ACAD9: variants seen among roughly 807,000 people sequenced by gnomAD.
ACAD9 encodes the protein complex I assembly factor ACAD9, mitochondrial.
In ACAD9, 53 loss-of-function variants were observed where a neutral mutation model predicts 70.2. The observed-to-expected ratio is 0.75, with a 90% CI of 0.61 to 0.95. ACAD9 has a LOEUF of 0.95. Ranked by LOEUF, ACAD9 falls within the 40% of genes least tolerant of loss-of-function variation. The pLI is 0.00. For synonymous variants in ACAD9, 313 were observed against 312.1 expected (o/e 1.00, Z -0.03); for missense variants, 777 against 802.8 (o/e 0.97, Z 0.39).
At chr3:128,894,872 ATTT>A (rs138817276) in intron 3 of ACAD9, among the ~76,000 whole-genome samples, 4,984 of 105,264 alleles carry the variant, frequency 0.047, 192 homozygotes, top group African/African-American at 0.13. Context: ...CTGTATTGTG[ATTT>A]TTTTTTTTTT....
rs1231005676 is a variant in ACAD9 at position 128,879,666 on chromosome 3, G to A, written c.-26G>A. 8 of 1,611,472 alleles carry A rather than the reference G, an allele frequency of 5.0e-6. No homozygotes were observed. Among genetic ancestry groups the A allele is most frequent in the African/African-American group, 2.7e-5 (2 of 74,862 alleles). ...GCGGCGCTAAGAAGGGGAGACTGAG[G>A]CTGAGGCTGGGGAACATCGGGCAGC... is the stretch of plus-strand genomic sequence containing the variant. On this transcript the variant is annotated 5_prime_UTR_variant, in exon 1 of 18. Coordinates refer to ENST00000308982, the MANE Select transcript of ACAD9 (RefSeq NM_014049.5).
At chr3:128,910,890 C>G (rs1936221884) in intron 17 of ACAD9, 77 bp downstream of exon 17, 4 of 1,529,298 alleles carry the variant, frequency 2.6e-6, no homozygotes, top group Non-Finnish European at 3.6e-6. Context: ...TTTCTGGACC[C>G]TGTCAAGCTC....
At position 128,909,023 on chromosome 3, in the gene ACAD9, G is replaced by T; in HGVS notation, c.1409G>T (p.Arg470Met). 6.2e-7 allele frequency: 1 copy of T among 1,614,180 alleles called. No homozygotes were observed. The highest frequency in any genetic ancestry group is 8.5e-7 in the Non-Finnish European group (1 of 1,180,028). The change falls in exon 14 of 18, where the codon AGG becomes ATG. Residue 470 changes from arginine to methionine, a missense_variant. Physicochemically the swap from Arg to Met is moderately conservative, Grantham distance 91. Coordinates refer to ENST00000308982, the MANE Select transcript of ACAD9 (RefSeq NM_014049.5). The stretch of plus-strand genomic sequence containing the variant: ...ACAGTCATGGATACCGTTGGCCGGA[G>T]GCTTCGGGACTCCCTGGGCCGAACT... The part of the protein sequence containing the change: ...VSTVMDTVGR[R>M]LRDSLGRTVD...
intron 1 of ACAD9, among the ~76,000 whole-genome samples, chr3:128,882,189 T>A (rs555288753): frequency 4.3e-4 from 65 of 152,294 alleles, no homozygotes; most frequent in African/African-American, 1.5e-3. Flanking sequence ...CAAGATTCTT[T>A]TTTTAATCTA....
chr3:128,883,979 A>C (rs969182212), intron 1 of ACAD9, among the ~76,000 whole-genome samples: 2 of 152,192 alleles, frequency 1.3e-5, no homozygotes, highest in African/African-American at 4.8e-5. Flanking sequence ...TGAAGCCCAC[A>C]TCCAAAGCTC....
chr3:128,907,626 G>A (rs1048318961), intron 12 of ACAD9, among the ~76,000 whole-genome samples: 2 of 152,198 alleles, frequency 1.3e-5, no homozygotes, highest in East Asian at 3.9e-4. Context: ...TGTAGCCTGG[G>A]TCAGGCCCCT....
intron 3 of ACAD9, among the ~76,000 whole-genome samples, chr3:128,894,667 C>G (rs1347220259): frequency 6.6e-6 from 1 of 151,672 alleles, no homozygotes; most frequent in Non-Finnish European, 1.5e-5. Flanking sequence ...TTCCAAGTAG[C>G]TGGGACTACA....
At chr3:128,890,811 A>G (rs1935398596) in intron 2 of ACAD9, among the ~76,000 whole-genome samples, 1 of 151,686 alleles carries the variant, frequency 6.6e-6, no homozygotes, top group Admixed American at 6.6e-5. Flanking sequence ...AAGGCCTACA[A>G]TTCTTAAATG....
Position 128,912,677 on chromosome 3 carries a change from T to C in ACAD9, c.*70T>C, listed in dbSNP as rs1001045358. ...CCCGTTGCTGGATGACTGTTACTCT[T>C]TTTTCAGAAGGTGTTGGGATTATCA... On this transcript the variant is annotated 3_prime_UTR_variant, in exon 18 of 18. Coordinates refer to ENST00000308982, the MANE Select transcript of ACAD9 (RefSeq NM_014049.5). 16 of 1,332,520 alleles carry C rather than the reference T, an allele frequency of 1.2e-5. No homozygotes were observed. The highest frequency in any genetic ancestry group is 1.6e-5 in the Non-Finnish European group (15 of 924,602). 82.5% of individuals were successfully genotyped at this position (1,332,520 alleles called of 1,614,324 possible).
In ACAD9 at chr3:128,899,375, A is replaced by G. The variant is rs1935664734; in HGVS notation, c.722A>G (p.Lys241Arg). The change falls in exon 7 of 18, where the codon AAA (lysine) becomes AGA (arginine). Residue 241 changes from lysine (K) to arginine (R), a missense_variant. Transcript: ENST00000308982. ...GATTCTGATGGATCAGTGAAAGACA[A>G]AATCACAGCATTCATAGTAGAAAGA... The part of the protein sequence containing the change: ...VVDSDGSVKD[K>R]ITAFIVERDF... 6.2e-7 allele frequency: 1 copy of G among 1,614,266 alleles called. No homozygotes were observed. The highest frequency in any genetic ancestry group is 8.5e-7 in the Non-Finnish European group (1 of 1,180,046).
rs771267453 is a variant in ACAD9, at chr3:128,912,833, A to G, written c.*226A>G. The G allele has an allele frequency of 1.4e-6, 1 of 693,094 alleles. No homozygotes were observed. The highest frequency in any genetic ancestry group is 1.7e-5 in the African/African-American group (1 of 57,438). The allele number at this position is 693,094 out of a possible 1,614,324, so 42.9% of individuals were successfully genotyped here. A position where few individuals can be genotyped will look rare whatever the true frequency, so the allele number is the denominator to read the frequency against. On this transcript the variant is annotated 3_prime_UTR_variant, in exon 18 of 18. Coordinates refer to ENST00000308982, the MANE Select transcript of ACAD9 (RefSeq NM_014049.5). ...TCACAGCTTCTGAACTGAGCCGGAGAGAGAGAATGGAATTGCTGACCCCTG... is the reference window on the plus strand; with the variant it reads ...TCACAGCTTCTGAACTGAGCCGGAGGGAGAGAATGGAATTGCTGACCCCTG...
intron 7 of ACAD9, among the ~76,000 whole-genome samples, chr3:128,900,031 G>A (rs935320470): frequency 2.0e-5 from 3 of 152,132 alleles, no homozygotes; most frequent in South Asian, 2.1e-4. Flanking sequence ...TCCTGGGTTC[G>A]AGTGATTCTC....
chr3:128,910,854 T>G, intron 17 of ACAD9, 41 bp downstream of exon 17: 1 of 1,600,194 alleles, frequency 6.2e-7, no homozygotes, highest in Non-Finnish European at 8.6e-7. Flanking sequence ...AGGGCCCACT[T>G]CTAGGCCCCT....
At chr3:128,905,000 G>A (rs1181022744) in intron 11 of ACAD9, among the ~76,000 whole-genome samples, 1 of 152,014 alleles carries the variant, frequency 6.6e-6, no homozygotes, top group Non-Finnish European at 1.5e-5. Flanking sequence ...CAAAAAATTA[G>A]CCGGGCATAG....
In ACAD9 at chr3:128,895,289, A is replaced by T. The variant is rs1168685351; in HGVS notation, c.347-21A>T. The T allele has an allele frequency of 1.9e-6, 3 of 1,585,848 alleles. No homozygotes were observed. In the Admixed American group the frequency reaches 5.1e-5, roughly 27 times the overall value. ...GGAATCTAGGGCTGGGCTGTGATTG[A>T]CGCTGGTCCATCTCTCCTAGGTGGC... On this transcript the variant is annotated intron_variant, in intron 3 of 17. Transcript: ENST00000308982.
Position 128,912,750 on chromosome 3 carries a change from G to A in ACAD9, c.*143G>A, listed in dbSNP as rs775520346. ...GTCTGCACCTGAAGGGTTGTCGCCT[G>A]GCCTGGGAGAGCCTCTTCCAGGTTT... On this transcript the variant is annotated 3_prime_UTR_variant, in exon 18 of 18. Coordinates refer to ENST00000308982, the MANE Select transcript of ACAD9 (RefSeq NM_014049.5). 1.8e-5 allele frequency: 15 copies of A among 825,980 alleles called. No individual in the cohort carries two copies. The highest frequency in any genetic ancestry group is 2.9e-5 in the Non-Finnish European group (14 of 476,240). The allele number at this position is 825,980 out of a possible 1,614,324, so 51.2% of individuals were successfully genotyped here.
At chr3:128,895,567 A>C in intron 4 of ACAD9, 151 bp downstream of exon 4, 2 of 752,294 alleles carry the variant, frequency 2.7e-6, no homozygotes, top group Non-Finnish European at 4.6e-6. Context: ...GCCACACCTC[A>C]TGGTGCTCAA....
chr3:128,880,052 TGTG>T (rs761208794), intron 1 of ACAD9: 11 of 1,526,478 alleles, frequency 7.2e-6, no homozygotes, highest in African/African-American at 1.4e-5. Context: ...CCCTTGGAAA[TGTG>T]GTGGTGACGT....
chr3:128,908,997 C>A lies in ACAD9; in HGVS notation c.1383C>A (p.Ser461Arg), dbSNP rs754902248. The A allele has an allele frequency of 1.2e-6, 2 of 1,614,054 alleles. No individual in the cohort carries two copies. The highest frequency in any genetic ancestry group is 1.7e-6 in the Non-Finnish European group (2 of 1,180,034). ...GTGAGCTTAAACAGGCCAAAGTGAG[C>A]ACAGTCATGGATACCGTTGGCCGGA... is the stretch of plus-strand genomic sequence containing the variant. The part of the protein sequence containing the change: ...RIHELKQAKV[S>R]TVMDTVGRRL... Residue 461 changes from serine (S) to arginine (R), a missense_variant, in exon 14 of 18, where the codon AGC becomes AGA. Ser to Arg is a moderately radical substitution (Grantham distance 110, BLOSUM62 -1). Coordinates refer to ENST00000308982, the MANE Select transcript of ACAD9 (RefSeq NM_014049.5).
Sources: allele counts gnomAD v4.1 joint callset (sites outside exome capture counted in the v4.1 genomes callset), GRCh38; gene constraint gnomAD v4.1.1; transcripts MANE v1.5; gene names NCBI Gene and HGNC (gene_info 2026-07-23, HGNC 2026-07-21).